TYW1B: variants seen among roughly 807,000 people sequenced by gnomAD.
TYW1B encodes the protein S-adenosyl-L-methionine-dependent tRNA 4-demethylwyosine synthase TYW1B.
TYW1B carries 73 observed loss-of-function variants against 86.9 expected under a neutral mutation model. The ratio of observed to expected loss-of-function variants is 0.84; its 90% CI spans 0.70 to 1.02. The LOEUF (loss-of-function observed/expected upper bound fraction) is 1.02, where lower values mean the gene tolerates loss of function less well. Among genes scored for constraint, TYW1B ranks in the 50% least tolerant of loss-of-function variants. The pLI is 0.00. For synonymous variants in TYW1B, 248 were observed against 292.8 expected, an observed-to-expected ratio of 0.85 and a Z score of 1.56; for missense variants, 637 against 827.4, an observed-to-expected ratio of 0.77 and a Z score of 2.82.
At chr7:72,783,834 G>A (rs1291776776) in intron 6 of TYW1B, among the ~76,000 whole-genome samples, 1 of 152,164 alleles carries the variant, frequency 6.6e-6, no homozygotes, top group South Asian at 2.1e-4. Flanking sequence ...ATGGTTTAAG[G>A]GCAGCGTATT....
At chr7:72,723,491 G>A (rs2129570918) in intron 9 of TYW1B, among the ~76,000 whole-genome samples, 1 of 152,176 alleles carries the variant, frequency 6.6e-6, no homozygotes, top group South Asian at 2.1e-4. Flanking sequence ...TTAAGGCCAG[G>A]TGCAGTGGTT....
At chr7:72,749,676 C>T (rs1554464552) in intron 7 of TYW1B, among the ~76,000 whole-genome samples, 1 of 150,956 alleles carries the variant, frequency 6.6e-6, no homozygotes, top group Non-Finnish European at 1.5e-5. Flanking sequence ...TTTTTTATTA[C>T]ACTATTTTCA....
At chr7:72,812,857 A>G (rs1437923081) in intron 3 of TYW1B, among the ~76,000 whole-genome samples, 3 of 151,936 alleles carry the variant, frequency 2.0e-5, no homozygotes, top group Admixed American at 2.0e-4. Context: ...CACCATGGCT[A>G]ATTTTTCTAT....
chr7:72,756,129 C>A (rs1787583069), intron 7 of TYW1B, among the ~76,000 whole-genome samples: 1 of 152,046 alleles, frequency 6.6e-6, no homozygotes, highest in Non-Finnish European at 1.5e-5. Flanking sequence ...TGTTTAAGAA[C>A]AGTAATAAAG....
chr7:72,585,669 G>T (rs1258851627), intron 13 of TYW1B, among the ~76,000 whole-genome samples: 1 of 152,122 alleles, frequency 6.6e-6, no homozygotes, highest in South Asian at 2.1e-4. Flanking sequence ...ATGGTTTTAC[G>T]AAGGGGGGTT....
chr7:72,700,249 A>G (rs1814433451), intron 10 of TYW1B, among the ~76,000 whole-genome samples: 1 of 126,830 alleles, frequency 7.9e-6, no homozygotes, highest in Non-Finnish European at 1.6e-5. Context: ...ATCTTGGCCC[A>G]CTGCAACCTC....
intron 12 of TYW1B, 48 bp downstream of exon 12, chr7:72,628,839 C>A: frequency 6.6e-7 from 1 of 1,514,422 alleles, no homozygotes; most frequent in Non-Finnish European, 8.9e-7. Context: ...CGAAGCACCA[C>A]GATTCTTTGT....
intron 7 of TYW1B, among the ~76,000 whole-genome samples, chr7:72,766,652 C>T (rs560950026): frequency 2.4e-4 from 35 of 144,158 alleles, no homozygotes; most frequent in South Asian, 8.9e-4. Context: ...CAGGGCCAGG[C>T]GCAGTGGCTC....
At chr7:72,663,193 G>T (rs1190970753) in intron 11 of TYW1B, among the ~76,000 whole-genome samples, 10 of 150,312 alleles carry the variant, frequency 6.7e-5, no homozygotes, top group African/African-American at 2.0e-4. Flanking sequence ...GCGGGGGGTT[G>T]TGGGGGGGTT....
At position 72,649,326 on chromosome 7, in the gene TYW1B, A is replaced by G. The variant is rs4084082; in HGVS notation, c.1507-20329T>C. Among the ~76,000 whole-genome samples the G allele has an allele frequency of 5.1e-3, 771 of 152,286 alleles. 5 individuals carry two copies. Among genetic ancestry groups the G allele is most frequent in the Middle Eastern group, 0.02 (6 of 294 alleles). On this transcript the variant is annotated intron_variant, in intron 11 of 13. Coordinates refer to ENST00000620995, the MANE Select transcript of TYW1B (RefSeq NM_001145440.3). ...GGCTACTCTATATACTTTCCATCTG[A>G]GAGAAGAGCTTTCTGAAAAATCTAA... is the stretch of plus-strand genomic sequence containing the variant.
At chr7:72,580,879 G>C (rs1404241184) in intron 13 of TYW1B, among the ~76,000 whole-genome samples, 2 of 138,986 alleles carry the variant, frequency 1.4e-5, no homozygotes, top group African/African-American at 5.5e-5. Context: ...CTGAACAGAT[G>C]ATGGGTGAGC....
chr7:72,732,604 G>C (rs1554460161), intron 8 of TYW1B, among the ~76,000 whole-genome samples: 1 of 152,098 alleles, frequency 6.6e-6, no homozygotes, highest in African/African-American at 2.4e-5. Context: ...TTAAGGGACA[G>C]AGCAAAAGCA....
chr7:72,612,064 T>A (rs1260826677), intron 13 of TYW1B, among the ~76,000 whole-genome samples: 3 of 152,142 alleles, frequency 2.0e-5, no homozygotes, highest in Non-Finnish European at 4.4e-5. Context: ...TCTTTCTTTC[T>A]CGATGGGTTC....
rs1176744474 is a variant in TYW1B at position 72,674,753 on chromosome 7, T to TTC, written c.1506+19932_1506+19933dup. On this transcript the variant is annotated intron_variant, in intron 11 of 13. Transcript: ENST00000620995. ...AAAAGCACAGTTTCAAATTTTCCTT[T>TTC]TCTCTCTTTTTTTTTTTTTTTTTTA... is the stretch of plus-strand genomic sequence containing the variant. Among the ~76,000 whole-genome samples, 595 of 110,912 alleles carry TTC rather than the reference T, an allele frequency of 5.4e-3. 2 individuals carry two copies. Among genetic ancestry groups the TTC allele is most frequent in the Admixed American group, 6.9e-3 (65 of 9,398 alleles). 72.8% of individuals were successfully genotyped at this position (110,912 alleles called of 152,430 possible).
At chr7:72,786,209 T>C (rs1173665738) in intron 6 of TYW1B, among the ~76,000 whole-genome samples, 31 of 152,082 alleles carry the variant, frequency 2.0e-4, no homozygotes, top group African/African-American at 7.5e-4. Flanking sequence ...CCCCTAGAAA[T>C]TGAAAACAAG....
chr7:72,681,534 A>G (rs1462625869), intron 11 of TYW1B, among the ~76,000 whole-genome samples: 28 of 151,758 alleles, frequency 1.8e-4, no homozygotes, highest in African/African-American at 6.1e-4. Flanking sequence ...TGTTAAATCC[A>G]TATTAAAAAA....
chr7:72,707,484 A>G (rs1365159351), intron 10 of TYW1B, among the ~76,000 whole-genome samples: 2 of 152,216 alleles, frequency 1.3e-5, no homozygotes, highest in African/African-American at 4.8e-5. Flanking sequence ...CACATATTAA[A>G]ATATATCAGT....
At chr7:72,577,022 G>C (rs1554428798) in intron 13 of TYW1B, among the ~76,000 whole-genome samples, 1 of 151,980 alleles carries the variant, frequency 6.6e-6, no homozygotes, top group African/African-American at 2.4e-5. Context: ...AGCTACTTGG[G>C]AGGCTGAGGC....
At chr7:72,586,647 G>C (rs1485068008) in intron 13 of TYW1B, among the ~76,000 whole-genome samples, 4 of 152,130 alleles carry the variant, frequency 2.6e-5, no homozygotes, top group African/African-American at 9.7e-5. Context: ...TGAGGCAGGA[G>C]AATCACTTGA....
Sources: gnomAD v4.1 joint callset for allele counts (sites outside exome capture counted in the v4.1 genomes callset) on GRCh38, gnomAD v4.1.1 for gene constraint, MANE v1.5 for transcripts, NCBI Gene and HGNC (gene_info 2026-07-23, HGNC 2026-07-21) for gene names.